KLRG1: variants seen among roughly 807,000 people sequenced by gnomAD.
The protein encoded by KLRG1 is killer cell lectin like receptor G1.
Under a neutral mutation model 21.8 loss-of-function variants are expected in KLRG1, and 16 were observed. The ratio of observed to expected loss-of-function variants is 0.73; its 90% CI spans 0.50 to 1.11. The LOEUF is 1.11. Among genes scored for constraint, KLRG1 ranks in the 50% most tolerant of loss-of-function variants. KLRG1 has a pLI of 0.00. For synonymous variants in KLRG1, 69 were observed against 75.9 expected (o/e 0.91, Z 0.47); for missense variants, 173 against 218.3 (o/e 0.79, Z 1.31).
chr12:9,143,936 C>T, the KLRG1 span, among the ~76,000 whole-genome samples: 1 of 152,292 alleles, frequency 6.6e-6, no homozygotes, highest in Admixed American at 6.5e-5. Context: ...GACCCAGAAT[C>T]CTCTTTCTAA....
chr12:9,090,505 G>C, the KLRG1 span: 1 of 1,610,632 alleles, frequency 6.2e-7, no homozygotes, highest in Non-Finnish European at 8.5e-7. Flanking sequence ...ATAAGAAAGG[G>C]AGTAGAGAGG....
chr12:9,058,482 C>T, the KLRG1 span: 274 of 151,962 alleles, frequency 1.8e-3, 3 homozygotes, highest in Middle Eastern at 6.9e-3. Flanking sequence ...TTAATATAAA[C>T]ATATAAATAT....
chr12:9,039,804 A>C, the KLRG1 span, among the ~76,000 whole-genome samples: 3 of 152,236 alleles, frequency 2.0e-5, no homozygotes, highest in Non-Finnish European at 4.4e-5. Context: ...TCTTTTGATA[A>C]TACTCAGACA....
At chr12:9,194,557 T>C in the KLRG1 span, among the ~76,000 whole-genome samples, 428 of 148,052 alleles carry the variant, frequency 2.9e-3, 1 homozygote, top group Middle Eastern at 0.011. Flanking sequence ...CTCTGCCTCC[T>C]GGACTCACGC....
the KLRG1 span, among the ~76,000 whole-genome samples, chr12:9,121,775 GT>G: frequency 1.3e-5 from 2 of 152,154 alleles, no homozygotes; most frequent in Non-Finnish European, 2.9e-5. The surrounding 1 kb of genome is among the most constrained non-coding windows in gnomAD (Gnocchi z 4.4). Flanking sequence ...GCATGCCGAA[GT>G]ATTTTTGTAT....
chr12:9,127,234 C>T, the KLRG1 span, among the ~76,000 whole-genome samples: 5 of 152,150 alleles, frequency 3.3e-5, no homozygotes, highest in Admixed American at 2.6e-4. Flanking sequence ...TGCCAGGGAA[C>T]GGCCTTTGGT....
chr12:9,034,771 G>T, the KLRG1 span, among the ~76,000 whole-genome samples: 1 of 152,128 alleles, frequency 6.6e-6, no homozygotes, highest in Non-Finnish European at 1.5e-5. Context: ...TGTTATTTTA[G>T]AGTACATTCT....
At chr12:9,166,062 C>T in the KLRG1 span, 1 of 1,606,642 alleles carries the variant, frequency 6.2e-7, no homozygotes. Flanking sequence ...TTCACTGCCA[C>T]CAACTCCCAG....
chr12:9,048,781 G>A, the KLRG1 span, among the ~76,000 whole-genome samples: 1 of 152,188 alleles, frequency 6.6e-6, no homozygotes, highest in African/African-American at 2.4e-5. Context: ...TGAACAAGAC[G>A]GGGATGTCTA....
chr12:9,063,096 T>C, the KLRG1 span, among the ~76,000 whole-genome samples: 2 of 152,194 alleles, frequency 1.3e-5, no homozygotes, highest in Admixed American at 6.5e-5. Context: ...TCTCAAACTC[T>C]TGGCCTCAAA....
the KLRG1 span, among the ~76,000 whole-genome samples, chr12:9,200,650 G>A: frequency 3.3e-5 from 5 of 152,168 alleles, no homozygotes; most frequent in Admixed American, 6.5e-5. Context: ...TCTCAGTGAC[G>A]TTAACAAATG....
At chr12:8,952,285 G>A (rs955177790) in intron 1 of KLRG1, among the ~76,000 whole-genome samples, 1 of 152,190 alleles carries the variant, frequency 6.6e-6, no homozygotes, top group African/African-American at 2.4e-5. Context: ...AAGAGAGGAA[G>A]GTAATTAACA....
At chr12:9,189,950 C>G in the KLRG1 span, among the ~76,000 whole-genome samples, 1 of 152,080 alleles carries the variant, frequency 6.6e-6, no homozygotes, top group Non-Finnish European at 1.5e-5. Flanking sequence ...AGATTATCAT[C>G]TCACATCAGT....
the KLRG1 span, chr12:9,110,280 T>C: frequency 9.0e-6 from 13 of 1,441,508 alleles, no homozygotes; most frequent in South Asian, 1.4e-4. Context: ...ATGTATTGCT[T>C]TCCTTTTAAT....
In KLRG1 at chr12:9,009,608, G is replaced by C. The variant is rs1444211749; in HGVS notation, c.*71G>C. On this transcript the variant is annotated 3_prime_UTR_variant, in exon 5 of 5. Transcript: ENST00000356986. ...AAAAGGAGGGAGCTGGCCACTGGCT[G>C]TTGGGAAAGCCATGAGTATATAGTT... is the stretch of plus-strand genomic sequence containing the variant. The C allele has an allele frequency of 1.2e-5, 19 of 1,578,132 alleles. No homozygotes were observed. In the East Asian group the frequency reaches 4.1e-4, roughly 34 times the overall value.
chr12:9,185,869 A>G, the KLRG1 span, among the ~76,000 whole-genome samples: 1,205 of 138,262 alleles, frequency 8.7e-3, 18 homozygotes, highest in Middle Eastern at 0.034. Context: ...GTGCAGTGGC[A>G]TGATCTCGGC....
chr12:9,120,865 G>GTGTGTGTGTT, the KLRG1 span, among the ~76,000 whole-genome samples: 1 of 150,776 alleles, frequency 6.6e-6, no homozygotes, highest in Non-Finnish European at 1.5e-5. Context: ...GTGTGTGTGT[G>GTGTGTGTGTT]TGTGTGTGTG....
chr12:9,162,307 G>A, the KLRG1 span: 1 of 310,540 alleles, frequency 3.2e-6, no homozygotes, highest in Non-Finnish European at 5.9e-6. Context: ...CTAAGCTTCT[G>A]CAGCTGGGCT....
At chr12:9,202,686 T>C in the KLRG1 span, 1 of 1,612,452 alleles carries the variant, frequency 6.2e-7, no homozygotes, top group Non-Finnish European at 8.5e-7. Flanking sequence ...CCTTGGGAGC[T>C]AAAAAGCAAA....
Sources: gnomAD v4.1 joint callset for allele counts (sites outside exome capture counted in the v4.1 genomes callset) on GRCh38, gnomAD v4.1.1 for gene constraint, Gnocchi (gnomAD v3.1) non-coding constraint, MANE v1.5 for transcripts, NCBI Gene and HGNC (gene_info 2026-07-23, HGNC 2026-07-21) for gene names.